GMDS: variants seen among roughly 807,000 people sequenced by gnomAD.
GMDS encodes GDP-mannose 4,6-dehydratase, also known as GDP-mannose 4,6 dehydratase.
A neutral mutation model predicts 49.9 loss-of-function variants in GMDS; 20 were observed. The ratio of observed to expected loss-of-function variants is 0.40; its 90% confidence interval spans 0.28 to 0.58. GMDS has a LOEUF of 0.58. Ranked by LOEUF, GMDS falls within the 20% of genes least tolerant of loss-of-function variation. The probability of loss-of-function intolerance (pLI) is 0.42; values close to 1 mark genes in which losing one functional copy is unlikely to be tolerated. For missense variants in GMDS, 362 were observed against 481.4 expected, an observed-to-expected ratio of 0.75 and a Z score of 2.32; for synonymous variants, 177 against 178.6, an observed-to-expected ratio of 0.99 and a Z score of 0.07.
At chr6:1,997,334 A>C (rs149643964) in intron 4 of GMDS, among the ~76,000 whole-genome samples, 8,904 of 151,704 alleles carry the variant, frequency 0.059, 354 homozygotes, top group Middle Eastern at 0.16. Context: ...ATGGTGAAAC[A>C]CCATCTCTAC....
chr6:2,104,020 G>A (rs1351561722), intron 4 of GMDS, among the ~76,000 whole-genome samples: 1 of 152,168 alleles, frequency 6.6e-6, no homozygotes, highest in African/African-American at 2.4e-5. Context: ...CTGATTCGTG[G>A]ACTGACATTT....
intron 1 of GMDS, among the ~76,000 whole-genome samples, chr6:2,216,744 A>G (rs1379933597): frequency 2.0e-5 from 3 of 152,144 alleles, no homozygotes; most frequent in African/African-American, 7.2e-5. Context: ...CTGTAATATA[A>G]TCACTAGGAT....
intron 8 of GMDS, among the ~76,000 whole-genome samples, chr6:1,731,586 G>GC (rs1766810691): frequency 1.3e-5 from 2 of 152,192 alleles, no homozygotes; most frequent in Admixed American, 6.5e-5. Flanking sequence ...TTCCAATCTA[G>GC]AAATATATAC....
chr6:2,142,164 A>G (rs1369536297), intron 1 of GMDS, among the ~76,000 whole-genome samples: 1 of 152,176 alleles, frequency 6.6e-6, no homozygotes, highest in Admixed American at 6.5e-5. Flanking sequence ...CCTAGGCCAT[A>G]AGAGAAAAAA....
chr6:1,737,804 CACAT>C (rs923740397), intron 8 of GMDS, among the ~76,000 whole-genome samples: 2 of 132,392 alleles, frequency 1.5e-5, no homozygotes, highest in African/African-American at 2.9e-5. Context: ...TACATACACA[CACAT>C]ACACACACAC....
chr6:1,945,551 T>C (rs1172319769), intron 6 of GMDS, among the ~76,000 whole-genome samples: 1 of 152,188 alleles, frequency 6.6e-6, no homozygotes, highest in Non-Finnish European at 1.5e-5. Flanking sequence ...GCTTGAAATT[T>C]AGAGTATGCA....
intron 1 of GMDS, chr6:2,175,826 A>C (rs952329204): frequency 1.0e-5 from 7 of 673,672 alleles, no homozygotes; most frequent in Non-Finnish European, 1.9e-5. Flanking sequence ...TGTTGTAAGC[A>C]CCTTATGCAT....
chr6:2,241,705 A>G (rs1781622855), intron 1 of GMDS, among the ~76,000 whole-genome samples: 1 of 152,170 alleles, frequency 6.6e-6, no homozygotes, highest in Non-Finnish European at 1.5e-5. Context: ...CTCTGCATAC[A>G]CTAGCTCCAT....
intron 7 of GMDS, among the ~76,000 whole-genome samples, chr6:1,883,227 C>A (rs1199680666): frequency 6.6e-6 from 1 of 151,952 alleles, no homozygotes; most frequent in Non-Finnish European, 1.5e-5. Flanking sequence ...CCCATCTCTA[C>A]TAAAAATACA....
chr6:2,245,580 G>A lies in GMDS; in HGVS notation c.-158C>T, dbSNP rs1781833753. ...GCGACCGGCCGCCACAGTCTGACAG[G>A]GGCGCACGGGAGGCCGTGCAGGGAG... is the stretch of plus-strand genomic sequence containing the variant. On this transcript the variant is annotated 5_prime_UTR_variant, in exon 1 of 11. Transcript: ENST00000380815. 1 of 406,322 alleles carries A rather than the reference G, an allele frequency of 2.5e-6. No individual in the cohort carries two copies. Among genetic ancestry groups the A allele is most frequent in the Non-Finnish European group, 4.3e-6 (1 of 235,052 alleles). The allele number at this position is 406,322 out of a possible 1,614,324, so 25.2% of individuals were successfully genotyped here. A position where few individuals can be genotyped will look rare whatever the true frequency, so the allele number is the denominator to read the frequency against.
At chr6:2,016,185 G>T (rs1215692375) in intron 4 of GMDS, among the ~76,000 whole-genome samples, 1 of 151,464 alleles carries the variant, frequency 6.6e-6, no homozygotes, top group Non-Finnish European at 1.5e-5. Flanking sequence ...CTTGAGCCTG[G>T]GAAGTTGAGG....
At chr6:1,854,570 GCAGGCAGAGCT>G (rs1327243845) in intron 7 of GMDS, among the ~76,000 whole-genome samples, 5 of 152,182 alleles carry the variant, frequency 3.3e-5, no homozygotes, top group African/African-American at 1.2e-4. Context: ...GGTGCTTCTA[GCAGGCAGAGCT>G]CAGGGACACT....
chr6:2,235,296 T>C (rs1240197401), intron 1 of GMDS, among the ~76,000 whole-genome samples: 1 of 152,160 alleles, frequency 6.6e-6, no homozygotes, highest in Non-Finnish European at 1.5e-5. Flanking sequence ...CTGAGACTAA[T>C]CTATCAGATT....
rs116258731 is a variant in GMDS at position 1,863,412 on chromosome 6, C to T, written c.771+66691G>A. ...CACCCACAAACGTTTGGCTGTAAAA[C>T]TCTAAGGTATTATGTAATGTGTCCA... On this transcript the variant is annotated intron_variant, in intron 7 of 10. Transcript: ENST00000380815. Among the ~76,000 whole-genome samples the T allele has an allele frequency of 6.0e-3, 906 of 152,206 alleles. 9 individuals carry two copies. The highest frequency in any genetic ancestry group is 0.021 in the African/African-American group (852 of 41,522).
intron 7 of GMDS, among the ~76,000 whole-genome samples, chr6:1,811,677 C>A (rs1258131780): frequency 1.3e-5 from 2 of 151,568 alleles, no homozygotes; most frequent in Non-Finnish European, 2.9e-5. Context: ...AACCTTCGTG[C>A]CTCACTGAAA....
chr6:2,071,771 A>G (rs984285640), intron 4 of GMDS, among the ~76,000 whole-genome samples: 1 of 152,146 alleles, frequency 6.6e-6, no homozygotes, highest in Non-Finnish European at 1.5e-5. Flanking sequence ...TGAAGTGTCT[A>G]AGATAGCAAA....
intron 7 of GMDS, among the ~76,000 whole-genome samples, chr6:1,864,787 C>A (rs186139715): frequency 1.8e-3 from 273 of 152,294 alleles, no homozygotes; most frequent in Non-Finnish European, 3.2e-3. Context: ...GCTTGTCAGG[C>A]TAAGCTGAGC....
intron 7 of GMDS, among the ~76,000 whole-genome samples, chr6:1,799,489 A>T (rs187631864): frequency 1.4e-4 from 21 of 152,300 alleles, no homozygotes; most frequent in African/African-American, 5.1e-4. Flanking sequence ...TGTGATCAAG[A>T]TATACTTTTA....
At chr6:1,905,963 T>C (rs1008066634) in intron 7 of GMDS, among the ~76,000 whole-genome samples, 1 of 152,100 alleles carries the variant, frequency 6.6e-6, no homozygotes, top group African/African-American at 2.4e-5. Flanking sequence ...GTCCAAGCCA[T>C]CTGACATGCT....
Sources: gnomAD v4.1 joint callset for allele counts (sites outside exome capture counted in the v4.1 genomes callset) on GRCh38, gnomAD v4.1.1 for gene constraint, MANE v1.5 for transcripts, NCBI Gene and HGNC (gene_info 2026-07-23, HGNC 2026-07-21) for gene names.